ESRRG: variants seen among roughly 807,000 people sequenced by gnomAD.
ESRRG encodes estrogen-related receptor gamma.
ESRRG carries 13 observed loss-of-function variants against 44.0 expected under a neutral mutation model. The observed-to-expected ratio is 0.30, with a 90% CI of 0.19 to 0.47. The LOEUF (loss-of-function observed/expected upper bound fraction) is 0.47. ESRRG is among the 20% of genes least tolerant of loss of function. The pLI is 1.00. For missense variants in ESRRG, 395 were observed against 580.6 expected (o/e 0.68, Z 3.29); for synonymous variants, 215 against 214.6 (o/e 1.00, Z -0.02).
chr1:216,801,468 C>A (rs1315328959), intron 2 of ESRRG, among the ~76,000 whole-genome samples: 1 of 152,164 alleles, frequency 6.6e-6, no homozygotes, highest in Non-Finnish European at 1.5e-5. Context: ...TTCTTTATCA[C>A]TCTGTATTCA....
rs1197960289 is a variant in ESRRG, at chr1:216,999,716, T to C, written c.-105-60043A>G. Among the ~76,000 whole-genome samples, 6 of 149,406 alleles carry C rather than the reference T, an allele frequency of 4.0e-5. No homozygotes were observed. The East Asian group carries it at 1.2e-3, about 29-fold the overall frequency. On this transcript the variant is annotated intron_variant, in intron 1 of 7. Transcript: ENST00000359162. ...GTAGTTACTCTGTGATGATTCATAGTTTGTGAGAAGAAATGTATTTTTGTT... is the reference window on the plus strand; with the variant it reads ...GTAGTTACTCTGTGATGATTCATAGCTTGTGAGAAGAAATGTATTTTTGTT...
chr1:217,079,619 T>C (rs929093234), intron 1 of ESRRG, among the ~76,000 whole-genome samples: 1 of 152,210 alleles, frequency 6.6e-6, no homozygotes, highest in Admixed American at 6.5e-5. Context: ...GGTTGGAGTT[T>C]GCTTAAAAAT....
At chr1:216,704,567 T>C (rs2082087036) in intron 1 of ESRRG, among the ~76,000 whole-genome samples, 1 of 152,066 alleles carries the variant, frequency 6.6e-6, no homozygotes, top group Non-Finnish European at 1.5e-5. Context: ...TAGTAAATTC[T>C]AAAGTGTAAA....
chr1:216,933,621 G>A (rs2063687757), intron 2 of ESRRG, among the ~76,000 whole-genome samples: 1 of 152,136 alleles, frequency 6.6e-6, no homozygotes, highest in Non-Finnish European at 1.5e-5. Flanking sequence ...AAAATGTGGT[G>A]AAGAAGAATA....
chr1:216,785,938 G>T (rs2094113103), intron 2 of ESRRG, among the ~76,000 whole-genome samples: 1 of 152,074 alleles, frequency 6.6e-6, no homozygotes, highest in African/African-American at 2.4e-5. Flanking sequence ...TGCATGTTTT[G>T]CTGCATGCTT....
intron 1 of ESRRG, among the ~76,000 whole-genome samples, chr1:216,720,855 C>T (rs1294828979): frequency 6.6e-6 from 1 of 152,158 alleles, no homozygotes; most frequent in African/African-American, 2.4e-5. Flanking sequence ...TCCCTCCTCG[C>T]CTTGTCTGTT....
At position 216,967,275 on chromosome 1, in the gene ESRRG, G is replaced by T. The variant is rs540523113; in HGVS notation, c.-105-27602C>A. On this transcript the variant is annotated intron_variant, in intron 1 of 7. Coordinates refer to the ESRRG transcript ENST00000359162. Reference sequence around the variant, plus strand: ...CCCAAAGCCCAGACTTTGCATTAGGGTTACTTCTTGGGGTTATATAAAGGT... The same window carrying T: ...CCCAAAGCCCAGACTTTGCATTAGGTTTACTTCTTGGGGTTATATAAAGGT... Among the ~76,000 whole-genome samples the T allele has an allele frequency of 2.9e-4, 44 of 152,076 alleles. 1 individual carries two copies. Among genetic ancestry groups the T allele is most frequent in the Middle Eastern group, 6.8e-3 (2 of 294 alleles).
At chr1:216,858,527 T>C (rs903064527) in intron 2 of ESRRG, among the ~76,000 whole-genome samples, 5 of 152,224 alleles carry the variant, frequency 3.3e-5, no homozygotes, top group African/African-American at 1.2e-4. Context: ...TTCTGATTAG[T>C]AGTGAGTGAC....
chr1:216,611,139 G>A (rs781532016), intron 3 of ESRRG, among the ~76,000 whole-genome samples: 22 of 141,750 alleles, frequency 1.6e-4, no homozygotes, highest in Non-Finnish European at 3.2e-4. Flanking sequence ...GGAGGTGGAG[G>A]TTGCAGTGAG....
chr1:216,944,284 A>G (rs2065729884), intron 1 of ESRRG, among the ~76,000 whole-genome samples: 1 of 152,142 alleles, frequency 6.6e-6, no homozygotes, highest in Non-Finnish European at 1.5e-5. Context: ...AAAATAAGAG[A>G]TTTCTTCATT....
intron 1 of ESRRG, among the ~76,000 whole-genome samples, chr1:217,057,420 G>A (rs1452140358): frequency 6.6e-6 from 1 of 152,090 alleles, no homozygotes; most frequent in Non-Finnish European, 1.5e-5. Flanking sequence ...AGAATAAGGA[G>A]CAGAATAGCA....
At chr1:216,833,942 A>G (rs1180710064) in intron 2 of ESRRG, among the ~76,000 whole-genome samples, 1 of 152,210 alleles carries the variant, frequency 6.6e-6, no homozygotes, top group African/African-American at 2.4e-5. Flanking sequence ...TGCATTGACC[A>G]TCAAAGCTGA....
At chr1:217,040,760 T>G (rs1349904506) in intron 1 of ESRRG, among the ~76,000 whole-genome samples, 4 of 152,180 alleles carry the variant, frequency 2.6e-5, no homozygotes, top group African/African-American at 9.6e-5. Flanking sequence ...AGCAAAAATT[T>G]GGGTTGAGAC....
chr1:217,028,278 G>A (rs2081519572), intron 1 of ESRRG, among the ~76,000 whole-genome samples: 1 of 152,164 alleles, frequency 6.6e-6, no homozygotes, highest in African/African-American at 2.4e-5. Flanking sequence ...AACATGCAAG[G>A]AACAACTAGA....
chr1:216,746,335 C>T (rs568673749), intron 2 of ESRRG, among the ~76,000 whole-genome samples: 1 of 152,046 alleles, frequency 6.6e-6, no homozygotes, highest in Non-Finnish European at 1.5e-5. Flanking sequence ...AGAGGAGGCC[C>T]AAGCTAGGCT....
At chr1:216,578,055 C>T (rs911385583) in intron 3 of ESRRG, among the ~76,000 whole-genome samples, 1 of 151,890 alleles carries the variant, frequency 6.6e-6, no homozygotes, top group African/African-American at 2.4e-5. Context: ...GATAATATTT[C>T]TCTGGTGATC....
chr1:216,707,255 T>A lies in ESRRG; in HGVS notation c.56+15989A>T, dbSNP rs2082634533. 4.0e-6 allele frequency: 5 copies of A among 1,257,576 alleles called. No individual in the cohort carries two copies. The Middle Eastern group carries it at 9.5e-4, about 239-fold the overall frequency. 77.9% of individuals were successfully genotyped at this position (1,257,576 alleles called of 1,614,324 possible). A position where few individuals can be genotyped will look rare whatever the true frequency, so the allele number is the denominator to read the frequency against. ...AAGCATTTTTTTTTCTTTTCATTAA[T>A]CAGTCTAAAAAAATCAAACCATATA... On this transcript the variant is annotated intron_variant, in intron 1 of 6. Transcript: ENST00000408911.
At chr1:216,913,656 T>C (rs899012821) in intron 2 of ESRRG, among the ~76,000 whole-genome samples, 7 of 152,262 alleles carry the variant, frequency 4.6e-5, no homozygotes, top group African/African-American at 7.2e-5. Context: ...GTGCTGCATC[T>C]GTTTCCTAGT....
intron 1 of ESRRG, among the ~76,000 whole-genome samples, chr1:216,973,929 T>C (rs1391748984): frequency 6.6e-6 from 1 of 151,988 alleles, no homozygotes; most frequent in Non-Finnish European, 1.5e-5. Context: ...CATAAGCGTA[T>C]CCCTGGTTTT....
Sources: allele counts gnomAD v4.1 joint callset (sites outside exome capture counted in the v4.1 genomes callset), GRCh38; gene constraint gnomAD v4.1.1; transcripts MANE v1.5; gene names NCBI Gene and HGNC (gene_info 2026-07-23, HGNC 2026-07-21).